Variants in PRPF19 observed in about 807,000 individuals in gnomAD.
The protein encoded by PRPF19 is pre-mRNA-processing factor 19.
PRPF19 carries 2 observed loss-of-function variants against 64.2 expected under a neutral mutation model. The ratio of observed to expected loss-of-function variants is 0.03; its 90% confidence interval spans 0.01 to 0.10. The LOEUF is 0.10. PRPF19 is among the 10% of genes least tolerant of loss of function. The pLI, the probability that PRPF19 is intolerant of heterozygous loss-of-function variation, is 1.00. For missense variants in PRPF19, 314 were observed against 650.0 expected (o/e 0.48, Z 5.62); for synonymous variants, 226 against 251.6 (o/e 0.90, Z 0.96).
Position 60,900,871 on chromosome 11 carries a change from G to A in PRPF19, c.701C>T (p.Thr234Ile), listed in dbSNP as rs1253352378. 6.2e-7 allele frequency: 1 copy of A among 1,614,148 alleles called. No individual in the cohort carries two copies. The highest frequency in any genetic ancestry group is 1.7e-5 in the Admixed American group (1 of 60,016). The part of the protein sequence containing the change: ...ILALDLCPSD[T>I]NKILTGGADK... ...ACTCTCACCAGTGAGGATCTTGTTG[G>A]TGTCGGACGGGCAGAGGTCCAGGGC... The change falls in exon 9 of 16, where the codon ACC (threonine) becomes ATC (isoleucine). Residue 234 changes from threonine (T) to isoleucine (I), a missense_variant. By Grantham distance (89) the Thr-to-Ile change is moderately conservative. This residue lies in a region of PRPF19 where 175 missense variants were observed against 342.9 expected (regional missense o/e 0.51). Coordinates refer to ENST00000227524, the MANE Select transcript of PRPF19 (RefSeq NM_014502.5).
chr11:60,900,302 T>G (rs893232865), intron 10 of PRPF19, among the ~76,000 whole-genome samples: 1 of 152,254 alleles, frequency 6.6e-6, no homozygotes, highest in Non-Finnish European at 1.5e-5. Flanking sequence ...TTAGGAACAC[T>G]ATAAGATTTT....
intron 8 of PRPF19, 85 bp from the exon 9 acceptor site, chr11:60,901,014 G>C (rs1364890040): frequency 6.9e-7 from 1 of 1,446,250 alleles, no homozygotes; most frequent in Admixed American, 1.7e-5. Flanking sequence ...GCCATCTCCA[G>C]TCACCCATGT....
At chr11:60,905,427 C>T (rs958577859) in intron 1 of PRPF19, 1 of 152,198 alleles carries the variant, frequency 6.6e-6, no homozygotes. Context: ...TTCCTTCTTC[C>T]CCCTCTTTGG....
rs1424429509 is a variant in PRPF19 at position 60,902,400 on chromosome 11, T to C, written c.525+3A>G. The C allele has an allele frequency of 1.2e-6, 2 of 1,613,468 alleles. No homozygotes were observed. Among genetic ancestry groups the C allele is most frequent in the Non-Finnish European group, 1.7e-6 (2 of 1,179,690 alleles). On this transcript the variant is annotated splice_donor_region_variant and intron_variant, in intron 6 of 15. Coordinates refer to ENST00000227524, the MANE Select transcript of PRPF19 (RefSeq NM_014502.5). This position sits in a 1 kb window ranked among gnomAD's most constrained non-coding sequence, Gnocchi z 5.0. Reference sequence around the variant, plus strand: ...ACTCCCACCAGGTGAGAGCAGGACTTACCTTCTGAATAATCTCTGGGGTCA... The same window carrying C: ...ACTCCCACCAGGTGAGAGCAGGACTCACCTTCTGAATAATCTCTGGGGTCA...
chr11:60,897,442 T>C (rs1855934149), intron 15 of PRPF19: 1 of 164,674 alleles, frequency 6.1e-6, no homozygotes, highest in African/African-American at 2.4e-5. Context: ...TCCCCATTAT[T>C]AAGTGATATA....
intron 1 of PRPF19, 150 bp downstream of exon 1, chr11:60,906,214 G>A (rs1173833308): frequency 1.6e-5 from 20 of 1,271,230 alleles, no homozygotes; most frequent in Non-Finnish European, 2.0e-5. Flanking sequence ...CTCCGACGGG[G>A]GGGGCTCCGG....
intron 15 of PRPF19, 36 bp from the exon 16 acceptor site, chr11:60,891,299 T>C (rs1398076799): frequency 6.8e-7 from 1 of 1,478,342 alleles, no homozygotes; most frequent in East Asian, 2.3e-5. Context: ...GTGAGAAGGC[T>C]TTTCCTCCTT....
chr11:60,901,301 G>T lies in PRPF19; in HGVS notation c.636C>A (p.Ser212=). 1 of 1,614,170 alleles carries T rather than the reference G, an allele frequency of 6.2e-7. No individual in the cohort carries two copies. The highest frequency in any genetic ancestry group is 8.5e-7 in the Non-Finnish European group (1 of 1,180,032). The part of the protein sequence containing the change: ...EELSKYRQVA[S]HVGLHSASIP... ...TGGAGACCCAGACACTCACCACGTG[G>T]GATGCCACCTGCCGGTATTTGCTGA... is the stretch of plus-strand genomic sequence containing the variant. The change falls in exon 8 of 16, where the codon TCC becomes TCA. Residue 212 remains serine (S), a synonymous_variant. Transcript: ENST00000227524.
rs1199361172 is a variant in PRPF19 at position 60,902,339 on chromosome 11, C to T, written c.525+64G>A. 1.9e-5 allele frequency: 30 copies of T among 1,540,840 alleles called. No individual in the cohort carries two copies. The highest frequency in any genetic ancestry group is 4.1e-5 in the African/African-American group (3 of 73,270). ...GCACAGTGATTTTAGTCACGATGGA[C>T]TCCAGACAGATGGTGAAAAGTAAGG... is the stretch of plus-strand genomic sequence containing the variant. On this transcript the variant is annotated intron_variant, in intron 6 of 15. Coordinates refer to ENST00000227524, the MANE Select transcript of PRPF19 (RefSeq NM_014502.5). The surrounding 1 kb of genome is among the most constrained non-coding windows in gnomAD (Gnocchi z 5.0).
In PRPF19 at chr11:60,902,351, G is replaced by A; in HGVS notation, c.525+52C>T. 1.3e-6 allele frequency: 2 copies of A among 1,560,168 alleles called. No homozygotes were observed. Among genetic ancestry groups the A allele is most frequent in the Non-Finnish European group, 1.8e-6 (2 of 1,132,898 alleles). On this transcript the variant is annotated intron_variant, in intron 6 of 15. Transcript: ENST00000227524. This position sits in a 1 kb window ranked among gnomAD's most constrained non-coding sequence, Gnocchi z 5.0. ...TAGTCACGATGGACTCCAGACAGAT[G>A]GTGAAAAGTAAGGGCCCATCAGCAC...
chr11:60,891,720 C>T (rs1855860702), intron 15 of PRPF19, among the ~76,000 whole-genome samples: 2 of 152,182 alleles, frequency 1.3e-5, no homozygotes, highest in South Asian at 4.1e-4. Flanking sequence ...CATGGGACTC[C>T]AGAAATTCAT....
chr11:60,895,741 TC>T (rs1335772837), intron 15 of PRPF19, among the ~76,000 whole-genome samples: 1 of 152,076 alleles, frequency 6.6e-6, no homozygotes, highest in African/African-American at 2.4e-5. Flanking sequence ...TGGGACACTT[TC>T]TTTCACTTGG....
At chr11:60,892,821 G>A (rs1855876864) in intron 15 of PRPF19, among the ~76,000 whole-genome samples, 3 of 152,186 alleles carry the variant, frequency 2.0e-5, no homozygotes, top group Non-Finnish European at 2.9e-5. Context: ...TCACAAGAGA[G>A]AAGACTAGAT....
At chr11:60,906,070 G>A (rs1270774558) in intron 1 of PRPF19, among the ~76,000 whole-genome samples, 1 of 152,270 alleles carries the variant, frequency 6.6e-6, no homozygotes, top group Non-Finnish European at 1.5e-5. Flanking sequence ...CATTAAGGCT[G>A]CTTCCCTTGC....
At chr11:60,893,134 A>C (rs527721563) in intron 15 of PRPF19, among the ~76,000 whole-genome samples, 148 of 152,196 alleles carry the variant, frequency 9.7e-4, no homozygotes, top group Non-Finnish European at 2.0e-3. Flanking sequence ...GTCACAATGC[A>C]ATGCATTATT....
In PRPF19 at chr11:60,902,349, A is replaced by G; in HGVS notation, c.525+54T>C. On this transcript the variant is annotated intron_variant, in intron 6 of 15. Transcript: ENST00000227524. This position sits in a 1 kb window ranked among gnomAD's most constrained non-coding sequence, Gnocchi z 5.0. Reference sequence around the variant, plus strand: ...TTTAGTCACGATGGACTCCAGACAGATGGTGAAAAGTAAGGGCCCATCAGC... The same window carrying G: ...TTTAGTCACGATGGACTCCAGACAGGTGGTGAAAAGTAAGGGCCCATCAGC... 11 of 1,557,522 alleles carry G rather than the reference A, an allele frequency of 7.1e-6. No homozygotes were observed. Among genetic ancestry groups the G allele is most frequent in the Non-Finnish European group, 9.7e-6 (11 of 1,130,514 alleles).
rs892302026 is a variant in PRPF19, at chr11:60,906,441, C to T, written c.-59G>A. Reference sequence around the variant, plus strand: ...CGGGCTCCGGGACTAGCTTCTGAGCCTCCGCGAGCCACTTCCGGTCCCCCG... The same window carrying T: ...CGGGCTCCGGGACTAGCTTCTGAGCTTCCGCGAGCCACTTCCGGTCCCCCG... On this transcript the variant is annotated 5_prime_UTR_variant, in exon 1 of 16. Coordinates refer to ENST00000227524, the MANE Select transcript of PRPF19 (RefSeq NM_014502.5). 7.2e-5 allele frequency: 107 copies of T among 1,485,948 alleles called. 3 individuals carry two copies. The South Asian group carries it at 1.4e-3, about 19-fold the overall frequency. The allele number at this position is 1,485,948 out of a possible 1,614,324, so 92.0% of individuals were successfully genotyped here.
Position 60,898,346 on chromosome 11 carries a change from T to C in PRPF19, c.1141-75A>G. ...AAGAAAATGGGGCTCACCAAACTCC[T>C]ACCTGAGATGTCCCTCACGTCCTTC... On this transcript the variant is annotated intron_variant, in intron 13 of 15. Transcript: ENST00000227524. The surrounding 1 kb of genome is among the most constrained non-coding windows in gnomAD (Gnocchi z 4.6). 1 of 1,558,776 alleles carries C rather than the reference T, an allele frequency of 6.4e-7. No homozygotes were observed. The highest frequency in any genetic ancestry group is 8.7e-7 in the Non-Finnish European group (1 of 1,149,376).
At chr11:60,906,134 C>T (rs2134867866) in intron 1 of PRPF19, among the ~76,000 whole-genome samples, 1 of 152,364 alleles carries the variant, frequency 6.6e-6, no homozygotes, top group Non-Finnish European at 1.5e-5. Context: ...GGCGACCGGC[C>T]TCAGTAATGT....
Sources: gnomAD v4.1 joint callset for allele counts (sites outside exome capture counted in the v4.1 genomes callset) on GRCh38, gnomAD v4.1.1 for gene constraint, gnomAD v4.1.1 regional missense constraint, Gnocchi (gnomAD v3.1) non-coding constraint, MANE v1.5 for transcripts, NCBI Gene and HGNC (gene_info 2026-07-23, HGNC 2026-07-21) for gene names.